MFAP4: variants seen among roughly 807,000 people sequenced by gnomAD.
MFAP4 encodes the protein microfibril associated protein 4.
MFAP4 carries 20 observed loss-of-function variants against 32.4 expected under a neutral mutation model. The observed-to-expected ratio is 0.62, with a 90% CI of 0.43 to 0.90. The LOEUF is 0.90. Among genes scored for constraint, MFAP4 ranks in the 40% least tolerant of loss-of-function variants. MFAP4 has a pLI of 0.00. For missense variants in MFAP4, 267 were observed against 329.5 expected (o/e 0.81, Z 1.47); for synonymous variants, 146 against 137.4 (o/e 1.06, Z -0.44).
chr17:19,386,972 T>TGGCTGGGGCCCCCCCCCCCCCC, intron 1 of MFAP4, 134 bp from the exon 2 acceptor site: 2 of 937,014 alleles, frequency 2.1e-6, no homozygotes, highest in Non-Finnish European at 3.4e-6. Context: ...TGGCCCCTCT[T>TGGCTGGGGCCCCCCCCCCCCCC]CCCTGCCCCC....
chr17:19,386,894 G>T, intron 1 of MFAP4, 56 bp from the exon 2 acceptor site: 1 of 1,522,634 alleles, frequency 6.6e-7, no homozygotes, highest in Non-Finnish European at 8.9e-7. Context: ...GAGATCCCCT[G>T]TTCTCTTTGC....
rs1384938144 is a variant in MFAP4, at chr17:19,386,843, C to T, written c.7-5G>A. 9 of 1,557,454 alleles carry T rather than the reference C, an allele frequency of 5.8e-6. No individual in the cohort carries two copies. The Admixed American group carries it at 7.8e-5, about 13-fold the overall frequency. Reference sequence around the variant, plus strand: ...CAGCGGCAGGGCCAGGAGTGCCTGGCGATGGGCAGACAGGGTCAGCACAGC... The same window carrying T: ...CAGCGGCAGGGCCAGGAGTGCCTGGTGATGGGCAGACAGGGTCAGCACAGC... On this transcript the variant is annotated splice_region_variant and splice_polypyrimidine_tract_variant and intron_variant, in intron 1 of 5. Coordinates refer to ENST00000299610, the MANE Select transcript of MFAP4 (RefSeq NM_002404.3).
chr17:19,386,318 TC>T lies in MFAP4; in HGVS notation c.231del (p.Lys78SerfsTer13). 2 of 1,603,536 alleles carry T rather than the reference TC, an allele frequency of 1.2e-6. No homozygotes were observed. The highest frequency in any genetic ancestry group is 1.7e-4 in the Middle Eastern group (1 of 5,744). ...PVFCDMTTEG[G>X]KWTVFQKRFN... ...TCCCTCCTCCCACTCACCGTCCACT[TC>T]CCGCCCTCGGTGGTCATGTCACAGA... On this transcript the variant is annotated frameshift_variant, in exon 3 of 6. Transcript: ENST00000299610. LOFTEE classifies it high-confidence loss of function.
In MFAP4 at chr17:19,384,712, G is replaced by A. The variant is rs1415306445; in HGVS notation, c.521-3C>T. ...ACTGTGGTAGGACAGGGAGTCACCT[G>A]GCAGAGGAGAGAAGGGTTGGGGCTG... On this transcript the variant is annotated splice_region_variant and splice_polypyrimidine_tract_variant and intron_variant, in intron 5 of 5. Coordinates refer to ENST00000299610, the MANE Select transcript of MFAP4 (RefSeq NM_002404.3). 1 of 1,614,040 alleles carries A rather than the reference G, an allele frequency of 6.2e-7. No individual in the cohort carries two copies. The highest frequency in any genetic ancestry group is 8.5e-7 in the Non-Finnish European group (1 of 1,179,990).
chr17:19,386,207 C>T, intron 3 of MFAP4, 103 bp downstream of exon 3: 1 of 1,083,126 alleles, frequency 9.2e-7, no homozygotes, highest in Admixed American at 2.9e-5. Context: ...TATCATTATC[C>T]CCATTTTAAA....
At position 19,385,088 on chromosome 17, in the gene MFAP4, G is replaced by A. The variant is rs1192580556; in HGVS notation, c.520+11C>T. Reference sequence around the variant, plus strand: ...CTCACAGCCCCTCCCAAAGCTAACAGCGGGTTATACCTGCCCCGCCATCCT... The same window carrying A: ...CTCACAGCCCCTCCCAAAGCTAACAACGGGTTATACCTGCCCCGCCATCCT... On this transcript the variant is annotated intron_variant, in intron 5 of 5. Transcript: ENST00000299610. 3 of 1,609,726 alleles carry A rather than the reference G, an allele frequency of 1.9e-6. No individual in the cohort carries two copies. Among genetic ancestry groups the A allele is most frequent in the Non-Finnish European group, 2.5e-6 (3 of 1,176,766 alleles).
intron 2 of MFAP4, 41 bp from the exon 3 acceptor site, chr17:19,386,505 A>G (rs369772671): frequency 1.8e-5 from 29 of 1,585,414 alleles, no homozygotes; most frequent in Non-Finnish European, 2.4e-5. Flanking sequence ...GAGTGGGACT[A>G]TGGCATCACT....
intron 2 of MFAP4, 130 bp from the exon 3 acceptor site, chr17:19,386,594 C>G: frequency 7.8e-7 from 1 of 1,275,356 alleles, no homozygotes; most frequent in South Asian, 1.3e-5. Context: ...AAGATTTCTT[C>G]AAGGGAGATG....
chr17:19,384,770 GGA>G (rs1464772912), intron 5 of MFAP4, 61 bp from the exon 6 acceptor site: 4 of 1,601,098 alleles, frequency 2.5e-6, no homozygotes, highest in African/African-American at 1.3e-5. Context: ...GAGCTGGCCG[GGA>G]GAGGGTGACA....
intron 3 of MFAP4, 30 bp downstream of exon 3, chr17:19,386,280 C>A: frequency 6.5e-7 from 1 of 1,544,112 alleles, no homozygotes. Context: ...TTAGAACCAG[C>A]TCTGGCCTCT....
rs1308563983 is a variant in MFAP4, at chr17:19,385,404, A to G, written c.291T>C (p.Asn97=). 1.2e-6 allele frequency: 2 copies of G among 1,614,242 alleles called. No individual in the cohort carries two copies. Among genetic ancestry groups the G allele is most frequent in the Admixed American group, 1.7e-5 (1 of 60,028 alleles). The change falls in exon 4 of 6, where the codon AAT becomes AAC. Residue 97 remains asparagine, a synonymous_variant. Coordinates refer to ENST00000299610, the MANE Select transcript of MFAP4 (RefSeq NM_002404.3). ...NGSVSFFRGW[N]DYKLGFGRAD... ...CACGGCCGAAGCCCAGCTTGTAGTCATTCCAGCCGCGGAAGAAACTTACTG... is the reference window on the plus strand; with the variant it reads ...CACGGCCGAAGCCCAGCTTGTAGTCGTTCCAGCCGCGGAAGAAACTTACTG...
At chr17:19,385,508 G>T in intron 3 of MFAP4, 54 bp from the exon 4 acceptor site, 1 of 1,528,256 alleles carries the variant, frequency 6.5e-7, no homozygotes, top group South Asian at 1.1e-5. Flanking sequence ...GCAAGGTTCT[G>T]GTCCTGCCCT....
rs764710027 is a variant in MFAP4, at chr17:19,384,522, G to T, written c.708C>A (p.Ala236=). 1.9e-6 allele frequency: 3 copies of T among 1,612,350 alleles called. No individual in the cohort carries two copies. The Middle Eastern group carries it at 4.9e-4, about 265-fold the overall frequency. Residue 236 remains alanine (A), a synonymous_variant, in exon 6 of 6, where the codon GCC becomes GCA. Coordinates refer to ENST00000299610, the MANE Select transcript of MFAP4 (RefSeq NM_002404.3). ...HLSYANGINW[A]QWKGFYYSLK... ...GGGAGTAGTAGAAGCCCTTCCACTG[G>T]GCCCAGTTGATGCCATTGGCATAAG...
chr17:19,384,048 G>A lies in MFAP4; in HGVS notation c.*414C>T. ...GGCCCTGTTCACACTGCACTGCTCAGCTTAGCACACTAGGGTGGCCCAGAC... is the reference window on the plus strand; with the variant it reads ...GGCCCTGTTCACACTGCACTGCTCAACTTAGCACACTAGGGTGGCCCAGAC... On this transcript the variant is annotated 3_prime_UTR_variant, in exon 6 of 6. Transcript: ENST00000299610. The A allele has an allele frequency of 7.1e-6, 2 of 280,392 alleles. No individual in the cohort carries two copies. Among genetic ancestry groups the A allele is most frequent in the Non-Finnish European group, 1.4e-5 (2 of 141,068 alleles). 17.4% of individuals were successfully genotyped at this position (280,392 alleles called of 1,614,324 possible).
Position 19,386,295 on chromosome 17 carries a change from C to A in MFAP4, c.240+15G>T, listed in dbSNP as rs758008796. On this transcript the variant is annotated intron_variant, in intron 3 of 5. Transcript: ENST00000299610. ...TTAGAACCAGCTCTGGCCTCTGTTCCCTCCTCCCACTCACCGTCCACTTCC... is the reference window on the plus strand; with the variant it reads ...TTAGAACCAGCTCTGGCCTCTGTTCACTCCTCCCACTCACCGTCCACTTCC... The A allele has an allele frequency of 6.3e-7, 1 of 1,576,108 alleles. No homozygotes were observed. The highest frequency in any genetic ancestry group is 2.3e-5 in the East Asian group (1 of 43,660).
intron 5 of MFAP4, 108 bp downstream of exon 5, chr17:19,384,991 C>T: frequency 7.2e-7 from 1 of 1,389,200 alleles, no homozygotes; most frequent in Non-Finnish European, 9.8e-7. Flanking sequence ...CCTTCCAGAT[C>T]CAGAAGGGTT....
chr17:19,385,203 G>A lies in MFAP4; in HGVS notation c.416C>T (p.Thr139Met), dbSNP rs755182016. ...GAAGTCAGCGTACTTGGCATAGGCC[G>A]TGTTGTTCTCAAAGTCCTCCAAGTC... ...RVDLEDFENN[T>M]AYAKYADFSI... The change falls in exon 5 of 6, where the codon ACG (threonine) becomes ATG (methionine). Residue 139 changes from threonine (T) to methionine (M), a missense_variant. Thr to Met is a moderately conservative substitution (Grantham distance 81). Transcript: ENST00000299610. 6 of 1,614,170 alleles carry A rather than the reference G, an allele frequency of 3.7e-6. No individual in the cohort carries two copies. Among genetic ancestry groups the A allele is most frequent in the East Asian group, 2.2e-5 (1 of 44,900 alleles).
At chr17:19,385,530 G>A in intron 3 of MFAP4, 76 bp from the exon 4 acceptor site, 1 of 1,225,008 alleles carries the variant, frequency 8.2e-7, no homozygotes, top group Non-Finnish European at 1.2e-6. Context: ...CCCACCTCAA[G>A]CATGGACCCT....
chr17:19,386,972 T>TGCCGGGGCCCCCCCCC, intron 1 of MFAP4, 134 bp from the exon 2 acceptor site: 4 of 937,008 alleles, frequency 4.3e-6, no homozygotes, highest in Non-Finnish European at 6.8e-6. Context: ...TGGCCCCTCT[T>TGCCGGGGCCCCCCCCC]CCCTGCCCCC....
Sources: gnomAD v4.1 joint callset for allele counts on GRCh38, gnomAD v4.1.1 for gene constraint, MANE v1.5 for transcripts, NCBI Gene and HGNC (gene_info 2026-07-23, HGNC 2026-07-21) for gene names.